The following AGBL4 variants were observed in gnomAD, a reference collection of about 807,000 sequenced individuals.
The protein encoded by AGBL4 is AGBL carboxypeptidase 4.
AGBL4 carries 58 observed loss-of-function variants against 66.4 expected under a neutral mutation model. The ratio of observed to expected loss-of-function variants is 0.87; its 90% CI spans 0.71 to 1.09. The LOEUF (loss-of-function observed/expected upper bound fraction) is 1.09. Ranked by LOEUF, AGBL4 falls within the 50% of genes least tolerant of loss-of-function variation. The pLI is 0.00. For missense variants in AGBL4, 579 were observed against 631.0 expected (o/e 0.92, Z 0.88); for synonymous variants, 234 against 222.9 (o/e 1.05, Z -0.44).
At chr1:49,237,455 C>A (rs1650849629) in intron 4 of AGBL4, among the ~76,000 whole-genome samples, 1 of 148,496 alleles carries the variant, frequency 6.7e-6, no homozygotes, top group Admixed American at 6.7e-5. Flanking sequence ...ATGTCTTTAT[C>A]AGCAGCATAA....
At chr1:49,666,039 G>A (rs1646360160) in intron 3 of AGBL4, among the ~76,000 whole-genome samples, 3 of 150,750 alleles carry the variant, frequency 2.0e-5, no homozygotes, top group Admixed American at 2.0e-4. Flanking sequence ...TGTTGCCCAG[G>A]CTGAACTCGA....
At chr1:49,953,106 A>G (rs572762736) in intron 1 of AGBL4, among the ~76,000 whole-genome samples, 3 of 152,132 alleles carry the variant, frequency 2.0e-5, no homozygotes, top group Admixed American at 2.0e-4. Flanking sequence ...CATGAACAGA[A>G]GCAAGAAGTT....
At chr1:49,550,293 A>T (rs1652848824) in intron 3 of AGBL4, among the ~76,000 whole-genome samples, 1 of 152,170 alleles carries the variant, frequency 6.6e-6, no homozygotes, top group Non-Finnish European at 1.5e-5. Flanking sequence ...TAGTATTGAG[A>T]TATGAGGTAC....
chr1:49,647,854 CAAA>C (rs773155990), intron 3 of AGBL4, among the ~76,000 whole-genome samples: 3 of 98,936 alleles, frequency 3.0e-5, no homozygotes, highest in Admixed American at 1.1e-4. Flanking sequence ...TGGACTGACC[CAAA>C]AAAAAAAAAA....
chr1:48,917,830 T>C (rs957648881), intron 5 of AGBL4, among the ~76,000 whole-genome samples: 1 of 152,194 alleles, frequency 6.6e-6, no homozygotes, highest in African/African-American at 2.4e-5. Flanking sequence ...CAAACCCAGG[T>C]ACTTCCTACT....
chr1:49,512,032 G>T (rs954845464), intron 3 of AGBL4, among the ~76,000 whole-genome samples: 3 of 151,954 alleles, frequency 2.0e-5, no homozygotes, highest in African/African-American at 4.8e-5. Context: ...ATCTTGGTTT[G>T]CAGGGTGCTA....
intron 3 of AGBL4, among the ~76,000 whole-genome samples, chr1:49,420,399 A>G (rs1645517489): frequency 6.6e-6 from 1 of 152,166 alleles, no homozygotes; most frequent in African/African-American, 2.4e-5. Flanking sequence ...AAGATAATGA[A>G]TGTAAAAGTG....
intron 4 of AGBL4, among the ~76,000 whole-genome samples, chr1:49,166,875 T>A (rs910657051): frequency 3.9e-5 from 6 of 152,186 alleles, no homozygotes; most frequent in African/African-American, 1.4e-4. Context: ...TTACTGATAA[T>A]CCTCATGACT....
At chr1:49,223,038 T>A (rs984062257) in intron 4 of AGBL4, among the ~76,000 whole-genome samples, 1 of 152,180 alleles carries the variant, frequency 6.6e-6, no homozygotes, top group Non-Finnish European at 1.5e-5. Flanking sequence ...TATGGCAGGA[T>A]CTAGTAGTCA....
At chr1:48,578,358 G>A (rs1038073627) in intron 11 of AGBL4, among the ~76,000 whole-genome samples, 1 of 152,074 alleles carries the variant, frequency 6.6e-6, no homozygotes, top group Non-Finnish European at 1.5e-5. Context: ...CATATTTAAA[G>A]ATCAAACTCT....
chr1:49,962,808 C>G (rs1657224925), intron 1 of AGBL4, among the ~76,000 whole-genome samples: 1 of 152,098 alleles, frequency 6.6e-6, no homozygotes, highest in African/African-American at 2.4e-5. Context: ...AATTTTAGAG[C>G]TAAAGAGGAC....
intron 2 of AGBL4, among the ~76,000 whole-genome samples, chr1:49,785,788 G>C (rs547538830): frequency 4.7e-5 from 7 of 149,794 alleles, no homozygotes; most frequent in African/African-American, 1.5e-4. Context: ...ACCTAGGCTA[G>C]AAAAAAGTGT....
intron 4 of AGBL4, among the ~76,000 whole-genome samples, chr1:49,053,370 G>A (rs1178707020): frequency 6.6e-6 from 1 of 152,138 alleles, no homozygotes; most frequent in African/African-American, 2.4e-5. Flanking sequence ...AAGTGTGTCT[G>A]GATACAGGAA....
At chr1:49,754,054 T>G (rs1444245379) in intron 2 of AGBL4, among the ~76,000 whole-genome samples, 2 of 152,202 alleles carry the variant, frequency 1.3e-5, no homozygotes, top group Non-Finnish European at 2.9e-5. Flanking sequence ...TTACCCACAT[T>G]CTGAAGCCTA....
At chr1:49,947,971 T>TGTAAATATAC (rs1655415423) in intron 1 of AGBL4, among the ~76,000 whole-genome samples, 1 of 74,032 alleles carries the variant, frequency 1.4e-5, no homozygotes, top group East Asian at 7.0e-4. Context: ...TAAATATATA[T>TGTAAATATAC]ATTTATAAAT....
chr1:49,545,648 C>T (rs1652416277), intron 3 of AGBL4, among the ~76,000 whole-genome samples: 2 of 152,110 alleles, frequency 1.3e-5, no homozygotes, highest in African/African-American at 4.8e-5. Flanking sequence ...ATATGAGTAC[C>T]TGTAATGAAG....
At chr1:49,049,630 T>C (rs1338648896) in intron 4 of AGBL4, among the ~76,000 whole-genome samples, 1 of 152,000 alleles carries the variant, frequency 6.6e-6, no homozygotes, top group Non-Finnish European at 1.5e-5. Context: ...TTGGTAGGTA[T>C]CACAAGAAGG....
chr1:49,754,472 T>C (rs1345271162), intron 2 of AGBL4, among the ~76,000 whole-genome samples: 1 of 152,116 alleles, frequency 6.6e-6, no homozygotes, highest in Non-Finnish European at 1.5e-5. Context: ...TGCTGGATTT[T>C]GCTGTAAGTC....
chr1:49,738,996 G>T (rs182608505), intron 2 of AGBL4, among the ~76,000 whole-genome samples: 4 of 152,172 alleles, frequency 2.6e-5, no homozygotes, highest in African/African-American at 9.7e-5. Flanking sequence ...AAATCAGAGC[G>T]CCTCTCCTCC....
Sources: gnomAD v4.1 joint callset for allele counts (sites outside exome capture counted in the v4.1 genomes callset) on GRCh38, gnomAD v4.1.1 for gene constraint, MANE v1.5 for transcripts, NCBI Gene and HGNC (gene_info 2026-07-23, HGNC 2026-07-21) for gene names.